TOM1L2: variants seen among roughly 807,000 people sequenced by gnomAD.
TOM1L2 encodes target of myb1 like 2 membrane trafficking protein, also known as TOM1-like protein 2.
Under a neutral mutation model 67.9 loss-of-function variants are expected in TOM1L2, and 31 were observed. The observed-to-expected ratio is 0.46, with a 90% CI of 0.34 to 0.62. TOM1L2 has a LOEUF of 0.62. Among genes scored for constraint, TOM1L2 ranks in the 20% least tolerant of loss-of-function variants. The probability of loss-of-function intolerance (pLI) is 0.01; values close to 1 mark genes in which losing one functional copy is unlikely to be tolerated. For missense variants in TOM1L2, 606 were observed against 663.5 expected (o/e 0.91, Z 0.95); for synonymous variants, 256 against 254.0 (o/e 1.01, Z -0.07).
chr17:17,930,914 T>C (rs1204010274), intron 1 of TOM1L2, among the ~76,000 whole-genome samples: 2 of 152,206 alleles, frequency 1.3e-5, no homozygotes, highest in East Asian at 3.8e-4. Context: ...TCCTCTAGGA[T>C]GGGGATTTTT....
intron 7 of TOM1L2, among the ~76,000 whole-genome samples, chr17:17,871,276 C>G (rs527736386): frequency 5.3e-5 from 8 of 152,214 alleles, no homozygotes; most frequent in African/African-American, 1.9e-4. Context: ...GAGACTGAGG[C>G]AGGAGAATGG....
intron 1 of TOM1L2, among the ~76,000 whole-genome samples, chr17:17,915,213 G>A (rs2039578736): frequency 6.6e-6 from 1 of 152,140 alleles, no homozygotes; most frequent in African/African-American, 2.4e-5. Flanking sequence ...TTGAGAGTTA[G>A]GATGGGGTAG....
At chr17:17,910,196 C>T (rs891329719) in intron 1 of TOM1L2, among the ~76,000 whole-genome samples, 4 of 152,134 alleles carry the variant, frequency 2.6e-5, no homozygotes, top group African/African-American at 4.8e-5. Context: ...CCTCCTTTGA[C>T]GGGAAACCCG....
rs1173786299 is a variant in TOM1L2, at chr17:17,907,432, G to C, written c.137+15C>G. The C allele has an allele frequency of 6.2e-7, 1 of 1,612,414 alleles. No homozygotes were observed. The highest frequency in any genetic ancestry group is 2.2e-5 in the East Asian group (1 of 44,862). ...AAGCTCAGAGAGGCTTCCCAGGAGA[G>C]GGGGGCACACGTACCCTTCCTCCGT... On this transcript the variant is annotated intron_variant, in intron 2 of 14. Coordinates refer to ENST00000379504, the MANE Select transcript of TOM1L2 (RefSeq NM_001082968.2).
At position 17,972,366 on chromosome 17, in the gene TOM1L2, C is replaced by G; in HGVS notation, c.-53G>C. On this transcript the variant is annotated 5_prime_UTR_variant, in exon 1 of 15. Transcript: ENST00000379504. Reference sequence around the variant, plus strand: ...GGCCCCCTGTCTGCCACCTAGGCCTCCGCTGTAACCCGCCGGACTCCCGTC... The same window carrying G: ...GGCCCCCTGTCTGCCACCTAGGCCTGCGCTGTAACCCGCCGGACTCCCGTC... 2.6e-6 allele frequency: 4 copies of G among 1,547,262 alleles called. No homozygotes were observed. Among genetic ancestry groups the G allele is most frequent in the Non-Finnish European group, 3.5e-6 (4 of 1,145,754 alleles).
Position 17,845,430 on chromosome 17 carries a change from C to G in TOM1L2, c.*2205G>C, listed in dbSNP as rs893340880. The G allele has an allele frequency of 6.6e-6, 1 of 152,260 alleles. No individual in the cohort carries two copies. The highest frequency in any genetic ancestry group is 1.5e-5 in the Non-Finnish European group (1 of 68,040). The allele number at this position is 152,260 out of a possible 1,614,324, so 9.4% of individuals were successfully genotyped here. A position where few individuals can be genotyped will look rare whatever the true frequency, so the allele number is the denominator to read the frequency against. ...TGCTGGGGGCTCCCCAGGAGGGCGCCTATTTCAGCTTCACGCACTATGGAA... is the reference window on the plus strand; with the variant it reads ...TGCTGGGGGCTCCCCAGGAGGGCGCGTATTTCAGCTTCACGCACTATGGAA... On this transcript the variant is annotated 3_prime_UTR_variant, in exon 15 of 15. Transcript: ENST00000379504.
intron 1 of TOM1L2, among the ~76,000 whole-genome samples, chr17:17,962,248 G>GAGGGAAC (rs966182786): frequency 5.9e-5 from 9 of 152,200 alleles, no homozygotes; most frequent in African/African-American, 2.2e-4. Context: ...CTGGGGGGAG[G>GAGGGAAC]AGGGAACAGG....
rs936928214 is a variant in TOM1L2, at chr17:17,956,755, G to A, written c.52+15507C>T. Among the ~76,000 whole-genome samples, 6 of 152,298 alleles carry A rather than the reference G, an allele frequency of 3.9e-5. No homozygotes were observed. The East Asian group carries it at 9.7e-4, about 25-fold the overall frequency. On this transcript the variant is annotated intron_variant, in intron 1 of 14. Coordinates refer to ENST00000379504, the MANE Select transcript of TOM1L2 (RefSeq NM_001082968.2). Reference sequence around the variant, plus strand: ...CTGGATGCTAAGCCCCTCACTGCCCGGGGCCTGCGGTGCTGGGCCCGCTGA... The same window carrying A: ...CTGGATGCTAAGCCCCTCACTGCCCAGGGCCTGCGGTGCTGGGCCCGCTGA...
At chr17:17,936,381 G>C (rs569449990) in intron 1 of TOM1L2, among the ~76,000 whole-genome samples, 1 of 152,182 alleles carries the variant, frequency 6.6e-6, no homozygotes. Context: ...GCCAGGTTAG[G>C]TGGGGTCTCC....
At chr17:17,928,084 C>T (rs1183616895) in intron 1 of TOM1L2, among the ~76,000 whole-genome samples, 2 of 151,996 alleles carry the variant, frequency 1.3e-5, no homozygotes, top group African/African-American at 2.4e-5. Flanking sequence ...ATTGTAGAAG[C>T]TCAATGATGA....
intron 1 of TOM1L2, among the ~76,000 whole-genome samples, chr17:17,919,333 A>AC (rs1297010424): frequency 2.0e-5 from 3 of 151,332 alleles, no homozygotes; most frequent in Admixed American, 6.6e-5. Flanking sequence ...CTCCCCTTGC[A>AC]CCCCCCTCCT....
chr17:17,875,490 G>A (rs571451997), intron 7 of TOM1L2, among the ~76,000 whole-genome samples: 1 of 152,192 alleles, frequency 6.6e-6, no homozygotes, highest in South Asian at 2.1e-4. Context: ...AGAGCCTACT[G>A]CTTGCTCAGG....
At chr17:17,954,139 G>A (rs1423643181) in intron 1 of TOM1L2, among the ~76,000 whole-genome samples, 1 of 152,212 alleles carries the variant, frequency 6.6e-6, no homozygotes, top group Non-Finnish European at 1.5e-5. Context: ...GGGTATATTG[G>A]TCTAAACCAT....
intron 1 of TOM1L2, among the ~76,000 whole-genome samples, chr17:17,914,286 C>T (rs1368836991): frequency 6.6e-6 from 1 of 152,204 alleles, no homozygotes; most frequent in African/African-American, 2.4e-5. Context: ...ACAGGGCACA[C>T]TGCTGTCTCA....
chr17:17,845,540 AG>A lies in TOM1L2; in HGVS notation c.*2094del. 1 of 152,322 alleles carries A rather than the reference AG, an allele frequency of 6.6e-6. No individual in the cohort carries two copies. The highest frequency in any genetic ancestry group is 1.5e-5 in the Non-Finnish European group (1 of 68,028). 9.4% of individuals were successfully genotyped at this position (152,322 alleles called of 1,614,324 possible). ...GCAGGGAGGCTGGCTCTTCCCTCTG[AG>A]GACACTGGGTCTGGGATGCAGTGCT... On this transcript the variant is annotated 3_prime_UTR_variant, in exon 15 of 15. Coordinates refer to ENST00000379504, the MANE Select transcript of TOM1L2 (RefSeq NM_001082968.2).
chr17:17,900,091 T>TA (rs1653213893), intron 2 of TOM1L2, among the ~76,000 whole-genome samples: 2 of 151,808 alleles, frequency 1.3e-5, no homozygotes, highest in South Asian at 4.2e-4. Context: ...CAGCTGCCTG[T>TA]AATCCTAGCT....
Position 17,898,505 on chromosome 17 carries a change from A to G in TOM1L2, c.216+91T>C, listed in dbSNP as rs1426218292. On this transcript the variant is annotated intron_variant, in intron 3 of 14. Transcript: ENST00000379504. The stretch of plus-strand genomic sequence containing the variant: ...ACCAAGCCATTCAGAGGTTGTGCTA[A>G]GTGGGCAGAGGGAAGGCCCTGTGAG... 2.3e-6 allele frequency: 3 copies of G among 1,329,770 alleles called. No homozygotes were observed. The African/African-American group carries it at 4.3e-5, about 19-fold the overall frequency. The allele number at this position is 1,329,770 out of a possible 1,614,324, so 82.4% of individuals were successfully genotyped here. A position where few individuals can be genotyped will look rare whatever the true frequency, so the allele number is the denominator to read the frequency against.
rs771164302 is a variant in TOM1L2 at position 17,907,456 on chromosome 17, G to A, written c.128C>T (p.Thr43Met). The A allele has an allele frequency of 2.5e-5, 41 of 1,613,844 alleles. No individual in the cohort carries two copies. Among genetic ancestry groups the A allele is most frequent in the Admixed American group, 8.3e-5 (5 of 59,992 alleles). ...NMEICDIINE[T>M]EEGPKDAIRA... ...AGGGGGGCACACGTACCCTTCCTCC[G>A]TCTCATTGATGATGTCACAGATCTC... The change falls in exon 2 of 15, where the codon ACG (threonine) becomes ATG (methionine). Residue 43 changes from threonine (T) to methionine (M), a missense_variant. Transcript: ENST00000379504.
intron 12 of TOM1L2, among the ~76,000 whole-genome samples, chr17:17,852,935 A>G (rs947363438): frequency 4.0e-5 from 6 of 151,872 alleles, no homozygotes; most frequent in Non-Finnish European, 7.4e-5. Context: ...TCACCCAGAC[A>G]TGAAACCTAG....
Sources: gnomAD v4.1 joint callset for allele counts (sites outside exome capture counted in the v4.1 genomes callset) on GRCh38, gnomAD v4.1.1 for gene constraint, MANE v1.5 for transcripts, NCBI Gene and HGNC (gene_info 2026-07-23, HGNC 2026-07-21) for gene names.